Variants in ATP8B4 observed in about 807,000 individuals in gnomAD.
The protein encoded by ATP8B4 is ATPase phospholipid transporting 8B4 (putative), also known as probable phospholipid-transporting ATPase IM.
A neutral mutation model predicts 145.6 loss-of-function variants in ATP8B4; 133 were observed. That is an observed-to-expected ratio of 0.91 (90% CI 0.79 to 1.05). The LOEUF (loss-of-function observed/expected upper bound fraction) is 1.05, where lower values mean the gene tolerates loss of function less well. Ranked by LOEUF, ATP8B4 falls within the 50% of genes least tolerant of loss-of-function variation. The pLI, the probability that ATP8B4 is intolerant of heterozygous loss-of-function variation, is 0.00. For missense variants in ATP8B4, 1,458 were observed against 1,425.2 expected (o/e 1.02, Z -0.37); for synonymous variants, 507 against 492.9 (o/e 1.03, Z -0.38).
chr15:50,087,303 AT>A (rs2055258527), intron 2 of ATP8B4, among the ~76,000 whole-genome samples: 1 of 120,328 alleles, frequency 8.3e-6, no homozygotes, highest in South Asian at 2.4e-4. Context: ...ATCTATATCT[AT>A]TATATATAAT....
chr15:50,000,862 TTA>T (rs1005587860), intron 8 of ATP8B4, among the ~76,000 whole-genome samples: 1 of 152,182 alleles, frequency 6.6e-6, no homozygotes, highest in Non-Finnish European at 1.5e-5. Flanking sequence ...TCTGTAATAC[TTA>T]TAGAGCTATT....
chr15:49,985,361 G>T (rs562674485), intron 10 of ATP8B4, among the ~76,000 whole-genome samples: 4 of 152,162 alleles, frequency 2.6e-5, no homozygotes, highest in Non-Finnish European at 5.9e-5. Context: ...CTCCCAAAGT[G>T]CTGGGATTAC....
intron 6 of ATP8B4, among the ~76,000 whole-genome samples, chr15:50,016,278 G>A (rs1195863989): frequency 1.3e-5 from 2 of 152,156 alleles, no homozygotes; most frequent in African/African-American, 2.4e-5. Flanking sequence ...GTAGGATTCT[G>A]TGAATAGATG....
At chr15:49,978,694 T>C (rs1198496117) in intron 12 of ATP8B4, among the ~76,000 whole-genome samples, 2 of 149,698 alleles carry the variant, frequency 1.3e-5, no homozygotes, top group Non-Finnish European at 3.0e-5. Flanking sequence ...GGATCAAAAA[T>C]GTCCCAGGTA....
At chr15:50,042,604 A>G (rs1216226407) in intron 5 of ATP8B4, among the ~76,000 whole-genome samples, 2 of 152,084 alleles carry the variant, frequency 1.3e-5, no homozygotes, top group African/African-American at 2.4e-5. Flanking sequence ...CACCATTTTT[A>G]TCTCATATTA....
chr15:49,986,213 A>G (rs1017088753), intron 10 of ATP8B4, among the ~76,000 whole-genome samples: 2 of 152,322 alleles, frequency 1.3e-5, no homozygotes, highest in Admixed American at 1.3e-4. Context: ...GGTCACGGAA[A>G]TGCAAAGTTT....
intron 23 of ATP8B4, among the ~76,000 whole-genome samples, chr15:49,893,256 T>G (rs548644514): frequency 6.6e-6 from 1 of 152,312 alleles, no homozygotes; most frequent in East Asian, 1.9e-4. Context: ...TAATGTGAAC[T>G]GTAAATTTTT....
At chr15:50,127,448 C>T (rs1043755100) in intron 1 of ATP8B4, among the ~76,000 whole-genome samples, 8 of 152,168 alleles carry the variant, frequency 5.3e-5, no homozygotes, top group Admixed American at 6.6e-5. Flanking sequence ...AAACATACAT[C>T]CCACAGCAAT....
chr15:49,979,629 G>T lies in ATP8B4; in HGVS notation c.1022C>A (p.Ser341Tyr). ...IIILNTVVPI[S>Y]LYVSVEVIRL... ...ACTCTCATCTTACCTCACATATAAG[G>T]AAATGGGTACAACTGTATTGAGAAT... Residue 341 changes from serine to tyrosine, a missense_variant, in exon 12 of 28, where the codon TCC becomes TAC. By Grantham distance (144) the Ser-to-Tyr change is moderately radical. Coordinates refer to ENST00000284509, the MANE Select transcript of ATP8B4 (RefSeq NM_024837.4). 1.1e-5 allele frequency: 16 copies of T among 1,491,552 alleles called. No individual in the cohort carries two copies. The highest frequency in any genetic ancestry group is 1.4e-5 in the Non-Finnish European group (16 of 1,104,314). The allele number at this position is 1,491,552 out of a possible 1,614,324, so 92.4% of individuals were successfully genotyped here.
At chr15:50,058,489 T>A (rs10162988) in intron 3 of ATP8B4, among the ~76,000 whole-genome samples, 4,112 of 152,288 alleles carry the variant, frequency 0.027, 181 homozygotes, top group African/African-American at 0.095. Flanking sequence ...CCAGTTAACG[T>A]GGAAAGGCAC....
At chr15:49,886,191 T>A (rs1347640616) in intron 23 of ATP8B4, among the ~76,000 whole-genome samples, 3 of 151,964 alleles carry the variant, frequency 2.0e-5, no homozygotes, top group Non-Finnish European at 4.4e-5. Context: ...ACCTGCTCAA[T>A]AAAAGGAAGC....
intron 20 of ATP8B4, among the ~76,000 whole-genome samples, chr15:49,914,465 CAT>C: frequency 6.6e-6 from 1 of 152,130 alleles, no homozygotes; most frequent in South Asian, 2.1e-4. Context: ...GCAACAAAAA[CAT>C]AGGCAAGTGA....
chr15:49,995,413 T>C (rs1599695482), intron 9 of ATP8B4, among the ~76,000 whole-genome samples: 1 of 152,212 alleles, frequency 6.6e-6, no homozygotes, highest in Non-Finnish European at 1.5e-5. Flanking sequence ...AATTACTTAG[T>C]AGAAAATGTG....
At chr15:50,113,658 G>GA (rs1382234135) in intron 1 of ATP8B4, among the ~76,000 whole-genome samples, 1 of 151,860 alleles carries the variant, frequency 6.6e-6, no homozygotes, top group Admixed American at 6.6e-5. Flanking sequence ...GACCAACATG[G>GA]AAAAACTCCG....
Position 49,933,953 on chromosome 15 carries a change from G to C in ATP8B4, c.1453+64C>G, listed in dbSNP as rs2041499689. On this transcript the variant is annotated intron_variant, in intron 15 of 27. Coordinates refer to ENST00000284509, the MANE Select transcript of ATP8B4 (RefSeq NM_024837.4). ...TTAATTTGTAAATCCTTCAAATTTA[G>C]TGTCAGTTTCAATTTTAAAAAACAA... is the stretch of plus-strand genomic sequence containing the variant. 4.2e-6 allele frequency: 6 copies of C among 1,425,820 alleles called. No homozygotes were observed. The South Asian group carries it at 9.8e-5, about 23-fold the overall frequency. The allele number at this position is 1,425,820 out of a possible 1,614,324, so 88.3% of individuals were successfully genotyped here. A position where few individuals can be genotyped will look rare whatever the true frequency, so the allele number is the denominator to read the frequency against.
intron 19 of ATP8B4, among the ~76,000 whole-genome samples, chr15:49,917,442 G>A (rs2039855314): frequency 6.6e-6 from 1 of 152,014 alleles, no homozygotes; most frequent in Non-Finnish European, 1.5e-5. Context: ...ATTTAATTCT[G>A]AAATGGAAGA....
chr15:50,136,640 G>T (rs184555982), intron 1 of ATP8B4, among the ~76,000 whole-genome samples: 17 of 152,286 alleles, frequency 1.1e-4, no homozygotes, highest in African/African-American at 3.6e-4. Context: ...TGTCCCATTT[G>T]GGGGGTTTAC....
At chr15:49,944,730 CA>C (rs1183709658) in intron 14 of ATP8B4, among the ~76,000 whole-genome samples, 2 of 152,100 alleles carry the variant, frequency 1.3e-5, no homozygotes, top group African/African-American at 2.4e-5. Context: ...ATATATACAA[CA>C]AAACATTCTG....
chr15:49,988,194 T>C (rs2046781410), intron 9 of ATP8B4, among the ~76,000 whole-genome samples: 1 of 152,208 alleles, frequency 6.6e-6, no homozygotes, highest in Non-Finnish European at 1.5e-5. Flanking sequence ...ATGTTTCTAG[T>C]TTCTTTAATT....
Sources: gnomAD v4.1 joint callset for allele counts (sites outside exome capture counted in the v4.1 genomes callset) on GRCh38, gnomAD v4.1.1 for gene constraint, MANE v1.5 for transcripts, NCBI Gene and HGNC (gene_info 2026-07-23, HGNC 2026-07-21) for gene names.